The following NRF1 variants were observed in gnomAD, a reference collection of about 807,000 sequenced individuals.
NRF1 encodes the protein nuclear respiratory factor 1, also known as alpha palindromic-binding protein.
NRF1 carries 5 observed loss-of-function variants against 58.5 expected under a neutral mutation model. That is an observed-to-expected ratio of 0.09 (90% CI 0.04 to 0.18). The LOEUF is 0.18. Among genes scored for constraint, NRF1 ranks in the 10% least tolerant of loss-of-function variants. The pLI is 1.00. For missense variants in NRF1, 288 were observed against 657.7 expected, an observed-to-expected ratio of 0.44 and a Z score of 6.15; for synonymous variants, 224 against 246.7, an observed-to-expected ratio of 0.91 and a Z score of 0.86.
At chr7:129,736,184 T>C (rs1272132538) in intron 10 of NRF1, among the ~76,000 whole-genome samples, 2 of 152,178 alleles carry the variant, frequency 1.3e-5, no homozygotes, top group African/African-American at 4.8e-5. Flanking sequence ...CTTCACCTTT[T>C]CACATCCCTG....
At chr7:129,683,320 TGAGAGAGAGA>T (rs72404049) in intron 4 of NRF1, among the ~76,000 whole-genome samples, 11 of 136,384 alleles carry the variant, frequency 8.1e-5, no homozygotes, top group South Asian at 2.3e-4. Flanking sequence ...TGTGTGTGTG[TGAGAGAGAGA>T]GAGAGAGAGA....
At chr7:129,697,783 G>A (rs1802733372) in intron 5 of NRF1, among the ~76,000 whole-genome samples, 1 of 152,094 alleles carries the variant, frequency 6.6e-6, no homozygotes, top group African/African-American at 2.4e-5. Context: ...TGCCCAGGCT[G>A]GAGTGAAATG....
In NRF1 at chr7:129,642,756, A is replaced by ACTTTTTTTTTTTTTTT. The variant is rs1562957544; in HGVS notation, c.-6-14590_-6-14589insCTTTTTTTTTTTTTTT. ...TTCTAAAAGAATACATTCTTTAAAA[A>ACTTTTTTTTTTTTTTT]ATTTTTTTTTTTTTTTTTTTAAATG... is the stretch of plus-strand genomic sequence containing the variant. On this transcript the variant is annotated intron_variant, in intron 1 of 10. Transcript: ENST00000393232. 1.1e-4 allele frequency among the ~76,000 whole-genome samples: 14 copies of ACTTTTTTTTTTTTTTT among 131,698 alleles called. 1 individual carries two copies. The East Asian group carries it at 2.4e-3, about 22-fold the overall frequency. The allele number at this position is 131,698 out of a possible 152,430, so 86.4% of individuals were successfully genotyped here. A position where few individuals can be genotyped will look rare whatever the true frequency, so the allele number is the denominator to read the frequency against.
At chr7:129,656,196 T>C (rs998812367) in intron 1 of NRF1, among the ~76,000 whole-genome samples, 7 of 152,166 alleles carry the variant, frequency 4.6e-5, no homozygotes, top group Non-Finnish European at 1.0e-4. Flanking sequence ...GTTTAGTTTA[T>C]AATAGCAAAA....
intron 6 of NRF1, among the ~76,000 whole-genome samples, chr7:129,709,681 T>G (rs2116191313): frequency 6.6e-6 from 1 of 152,092 alleles, no homozygotes; most frequent in East Asian, 1.9e-4. Context: ...CTACCTACCA[T>G]TCCTTACTTT....
At chr7:129,736,342 C>T (rs1424426005) in intron 10 of NRF1, among the ~76,000 whole-genome samples, 1 of 145,314 alleles carries the variant, frequency 6.9e-6, no homozygotes, top group African/African-American at 2.6e-5. Context: ...AGTGCAGTGG[C>T]ACAATCTTAG....
rs866212472 is a variant in NRF1 at position 129,619,447 on chromosome 7, C to T, written c.-7+7623C>T. ...ATATATATATATACACACACACACA[C>T]ATATATATACACGTGTGTGTGTGTG... On this transcript the variant is annotated intron_variant, in intron 1 of 10. Transcript: ENST00000393232. Among the ~76,000 whole-genome samples, 115 of 80,266 alleles carry T rather than the reference C, an allele frequency of 1.4e-3. 4 individuals carry two copies. Among genetic ancestry groups the T allele is most frequent in the African/African-American group, 3.7e-3 (60 of 16,150 alleles). The allele number at this position is 80,266 out of a possible 152,430, so 52.7% of individuals were successfully genotyped here.
intron 1 of NRF1, among the ~76,000 whole-genome samples, chr7:129,612,587 G>A (rs982860862): frequency 6.6e-6 from 1 of 152,206 alleles, no homozygotes; most frequent in Admixed American, 6.5e-5. Context: ...AGATGTGCCC[G>A]CGGAGGGGCC....
intron 8 of NRF1, among the ~76,000 whole-genome samples, chr7:129,711,985 T>C (rs773775626): frequency 6.6e-6 from 1 of 152,206 alleles, no homozygotes; most frequent in Non-Finnish European, 1.5e-5. Flanking sequence ...GTCAGTAACA[T>C]GATTTATTAC....
At chr7:129,663,581 G>A (rs1233146280) in intron 2 of NRF1, among the ~76,000 whole-genome samples, 1 of 151,040 alleles carries the variant, frequency 6.6e-6, no homozygotes, top group Non-Finnish European at 1.5e-5. Context: ...CGGCCAGGCA[G>A]AGACGCTCCT....
intron 10 of NRF1, among the ~76,000 whole-genome samples, chr7:129,748,977 G>A (rs1804048478): frequency 6.6e-6 from 1 of 152,218 alleles, no homozygotes; most frequent in African/African-American, 2.4e-5. Flanking sequence ...AACCTTTAAA[G>A]CAAATCTCAC....
At chr7:129,616,138 T>C (rs909764096) in intron 1 of NRF1, among the ~76,000 whole-genome samples, 1 of 152,218 alleles carries the variant, frequency 6.6e-6, no homozygotes, top group Non-Finnish European at 1.5e-5. Flanking sequence ...CTTAATGCAG[T>C]GTAGTTAGCA....
At chr7:129,652,046 A>G (rs1006541551) in intron 1 of NRF1, among the ~76,000 whole-genome samples, 1 of 152,240 alleles carries the variant, frequency 6.6e-6, no homozygotes, top group African/African-American at 2.4e-5. Flanking sequence ...GATTATCTAC[A>G]TAGAAACAAA....
intron 5 of NRF1, among the ~76,000 whole-genome samples, chr7:129,705,551 A>G (rs1345297884): frequency 6.6e-6 from 1 of 152,136 alleles, no homozygotes; most frequent in Non-Finnish European, 1.5e-5. Flanking sequence ...TTGACCTTCC[A>G]GAGTGCTGGG....
rs1584614221 is a variant in NRF1, at chr7:129,657,717, C to G, written c.223+143C>G. ...CTTGATCTTCCGGGTTCAAGTGATT[C>G]TCCCATCTCAGCCTCTGGAGTAGCT... On this transcript the variant is annotated intron_variant, in intron 2 of 10. Coordinates refer to ENST00000393232, the MANE Select transcript of NRF1 (RefSeq NM_005011.5). The G allele has an allele frequency of 1.6e-5, 10 of 609,484 alleles. No individual in the cohort carries two copies. The East Asian group carries it at 2.8e-4, about 17-fold the overall frequency. The allele number at this position is 609,484 out of a possible 1,614,324, so 37.8% of individuals were successfully genotyped here. A position where few individuals can be genotyped will look rare whatever the true frequency, so the allele number is the denominator to read the frequency against.
intron 5 of NRF1, 148 bp downstream of exon 5, chr7:129,690,694 T>C (rs2151092788): frequency 1.2e-6 from 1 of 810,032 alleles, no homozygotes; most frequent in East Asian, 2.9e-5. Context: ...GTAGCAGCCT[T>C]GGAAAAGACA....
At chr7:129,635,738 T>G (rs1047722989) in intron 1 of NRF1, among the ~76,000 whole-genome samples, 2 of 152,160 alleles carry the variant, frequency 1.3e-5, no homozygotes, top group African/African-American at 4.8e-5. Context: ...TGCCCCCAAG[T>G]GGTTGTCTAG....
intron 10 of NRF1, among the ~76,000 whole-genome samples, chr7:129,739,825 C>T (rs1483780643): frequency 1.3e-5 from 2 of 152,088 alleles, no homozygotes; most frequent in East Asian, 1.9e-4. Flanking sequence ...TATAGTAGCC[C>T]GCCAAAAGAT....
chr7:129,721,542 C>T (rs370981339), intron 9 of NRF1, among the ~76,000 whole-genome samples: 240 of 149,388 alleles, frequency 1.6e-3, no homozygotes, highest in African/African-American at 5.5e-3. Flanking sequence ...AGTGCAGTGG[C>T]GCGATCTCGG....
Sources: gnomAD v4.1 joint callset for allele counts (sites outside exome capture counted in the v4.1 genomes callset) on GRCh38, gnomAD v4.1.1 for gene constraint, MANE v1.5 for transcripts, NCBI Gene and HGNC (gene_info 2026-07-23, HGNC 2026-07-21) for gene names.